Variants in ZNF560 observed in about 807,000 individuals in gnomAD.
The protein encoded by ZNF560 is zinc finger protein 560.
In ZNF560, 54 loss-of-function variants were observed where a neutral mutation model predicts 81.8. That is an observed-to-expected ratio of 0.66 (90% confidence interval 0.53 to 0.83). ZNF560 has a LOEUF of 0.83. ZNF560 is among the 40% of genes least tolerant of loss of function. The pLI is 0.00. For synonymous variants in ZNF560, 321 were observed against 317.9 expected, an observed-to-expected ratio of 1.01 and a Z score of -0.10; for missense variants, 940 against 932.4, an observed-to-expected ratio of 1.01 and a Z score of -0.11.
In ZNF560 at chr19:9,474,189, G is replaced by A. The variant is rs756697156; in HGVS notation, c.157+10C>T. 4 of 1,613,998 alleles carry A rather than the reference G, an allele frequency of 2.5e-6. No individual in the cohort carries two copies. The highest frequency in any genetic ancestry group is 2.5e-6 in the Non-Finnish European group (3 of 1,179,934). On this transcript the variant is annotated intron_variant, in intron 4 of 9. Coordinates refer to ENST00000301480, the MANE Select transcript of ZNF560 (RefSeq NM_152476.3). The stretch of plus-strand genomic sequence containing the variant: ...CCCTAAGAGGCTGCATAAAATGATG[G>A]CAGTCTTACCTACTTTGGCCACGTT...
chr19:9,471,936 C>A (rs2073128725), intron 5 of ZNF560, among the ~76,000 whole-genome samples: 1 of 152,122 alleles, frequency 6.6e-6, no homozygotes, highest in African/African-American at 2.4e-5. Context: ...CGGTGGAACA[C>A]CATCTCTACT....
At chr19:9,470,340 A>C (rs957587913) in intron 7 of ZNF560, 52 bp downstream of exon 7, 1 of 1,559,864 alleles carries the variant, frequency 6.4e-7, no homozygotes, top group Admixed American at 1.9e-5. Flanking sequence ...CAGTAAGTAC[A>C]TAATTTGTAT....
chr19:9,478,062 A>C (rs2073230145), intron 2 of ZNF560, among the ~76,000 whole-genome samples: 1 of 152,218 alleles, frequency 6.6e-6, no homozygotes, highest in Non-Finnish European at 1.5e-5. Flanking sequence ...AATCACATTC[A>C]ATCCAAACAA....
intron 2 of ZNF560, among the ~76,000 whole-genome samples, chr19:9,484,693 G>T (rs953470197): frequency 1.3e-5 from 2 of 151,124 alleles, no homozygotes; most frequent in African/African-American, 4.9e-5. Flanking sequence ...TGAGGCAGGA[G>T]AATTGCTTGA....
downstream of ZNF560, among the ~76,000 whole-genome samples, chr19:9,462,355 T>C (rs2072945542): frequency 6.6e-6 from 1 of 152,236 alleles, no homozygotes. Flanking sequence ...ATGCTCCTGC[T>C]GCAGATAACA....
intron 4 of ZNF560, among the ~76,000 whole-genome samples, chr19:9,473,470 TG>T (rs1365411102): frequency 6.6e-6 from 1 of 151,592 alleles, no homozygotes; most frequent in Non-Finnish European, 1.5e-5. Flanking sequence ...CCCAGCTACT[TG>T]GGGGGCTGAG....
chr19:9,464,115 G>C (rs12460738), downstream of ZNF560, among the ~76,000 whole-genome samples: 8,150 of 152,236 alleles, frequency 0.054, 403 homozygotes, highest in African/African-American at 0.11. Context: ...ATTTAAATTT[G>C]TACCACTCAG....
At chr19:9,503,723 G>A in the ZNF560 span, among the ~76,000 whole-genome samples, 148 of 151,948 alleles carry the variant, frequency 9.7e-4, 1 homozygote, top group Middle Eastern at 3.4e-3. Context: ...ATTTTTTGTA[G>A]AGACAGGGGT....
the ZNF560 span, among the ~76,000 whole-genome samples, chr19:9,458,180 T>G: frequency 2.6e-5 from 4 of 152,226 alleles, no homozygotes; most frequent in African/African-American, 9.6e-5. Flanking sequence ...AAGACACAAA[T>G]ACAGCAAGCT....
chr19:9,484,180 G>T (rs1023482675), intron 2 of ZNF560, among the ~76,000 whole-genome samples: 1 of 151,936 alleles, frequency 6.6e-6, no homozygotes, highest in Non-Finnish European at 1.5e-5. Context: ...CCTCTGCCTA[G>T]GAAAACCAGA....
intron 5 of ZNF560, 104 bp downstream of exon 5, chr19:9,473,075 C>T: frequency 1.1e-6 from 1 of 902,656 alleles, no homozygotes; most frequent in Non-Finnish European, 1.8e-6. Context: ...TAATAAATCA[C>T]CCAGTCTCAG....
At chr19:9,455,656 T>G in the ZNF560 span, among the ~76,000 whole-genome samples, 1 of 152,174 alleles carries the variant, frequency 6.6e-6, no homozygotes, top group Non-Finnish European at 1.5e-5. Flanking sequence ...CTTAAAAAGG[T>G]GATTGCAGAT....
upstream of ZNF560, among the ~76,000 whole-genome samples, chr19:9,502,156 A>C (rs1360665993): frequency 6.7e-6 from 1 of 148,372 alleles, no homozygotes; most frequent in Non-Finnish European, 1.5e-5. Flanking sequence ...CTCATCTCAA[A>C]AAAGAAAAAA....
chr19:9,467,575 T>G lies in ZNF560; in HGVS notation c.1372A>C (p.Lys458Gln). 3 of 1,614,156 alleles carry G rather than the reference T, an allele frequency of 1.9e-6. No homozygotes were observed. The highest frequency in any genetic ancestry group is 2.5e-6 in the Non-Finnish European group (3 of 1,180,016). Reference sequence around the variant, plus strand: ...CCATATTCCTTATGCTCATATGGCTTCTCTCCATTATGAACTCTCAAATGT... The same window carrying G: ...CCATATTCCTTATGCTCATATGGCTGCTCTCCATTATGAACTCTCAAATGT... ...FGHLRVHNGEKPYEHKEYGKA... is the reference protein window; with the variant it reads ...FGHLRVHNGEQPYEHKEYGKA... The change falls in exon 10 of 10, where the codon AAG becomes CAG. Residue 458 changes from lysine (K) to glutamine (Q), a missense_variant. Lys to Gln is a moderately conservative substitution (Grantham distance 53). Coordinates refer to ENST00000301480, the MANE Select transcript of ZNF560 (RefSeq NM_152476.3).
chr19:9,465,064 A>C (rs944378988), downstream of ZNF560, among the ~76,000 whole-genome samples: 2 of 152,140 alleles, frequency 1.3e-5, no homozygotes, highest in Admixed American at 6.5e-5. Context: ...ATCTTACATC[A>C]AACATCTTAC....
At chr19:9,503,845 TTTAA>T in the ZNF560 span, among the ~76,000 whole-genome samples, 5 of 152,196 alleles carry the variant, frequency 3.3e-5, no homozygotes, top group African/African-American at 2.4e-5. Flanking sequence ...ACCTAATTGC[TTTAA>T]TTGACAAATT....
chr19:9,505,131 G>T, the ZNF560 span, among the ~76,000 whole-genome samples: 2 of 152,128 alleles, frequency 1.3e-5, no homozygotes, highest in African/African-American at 4.8e-5. Flanking sequence ...TCATTATGTT[G>T]CTTACACTGA....
At position 9,475,358 on chromosome 19, in the gene ZNF560, T is replaced by G. The variant is rs2073184069; in HGVS notation, c.-45A>C. On this transcript the variant is annotated 5_prime_UTR_variant, in exon 3 of 10. Transcript: ENST00000301480. ...TTTTCTTCATGAAGGCAGATTGGGTTCCTAGAAAGACCTGGAAAAGAAAGA... is the reference window on the plus strand; with the variant it reads ...TTTTCTTCATGAAGGCAGATTGGGTGCCTAGAAAGACCTGGAAAAGAAAGA... The G allele has an allele frequency of 6.2e-7, 1 of 1,603,440 alleles. No homozygotes were observed. Among genetic ancestry groups the G allele is most frequent in the Non-Finnish European group, 8.5e-7 (1 of 1,171,894 alleles).
chr19:9,462,988 A>T (rs1375461859), downstream of ZNF560, among the ~76,000 whole-genome samples: 1 of 152,230 alleles, frequency 6.6e-6, no homozygotes, highest in African/African-American at 2.4e-5. Flanking sequence ...CAACCAATAC[A>T]GTGATTAGTA....
Sources: allele counts gnomAD v4.1 joint callset (sites outside exome capture counted in the v4.1 genomes callset), GRCh38; gene constraint gnomAD v4.1.1; transcripts MANE v1.5; gene names NCBI Gene and HGNC (gene_info 2026-07-23, HGNC 2026-07-21).